Variants in NTM observed in about 807,000 individuals in gnomAD.
NTM encodes the protein neurotrimin, also known as IgLON family member 2.
NTM carries 13 observed loss-of-function variants against 42.1 expected under a neutral mutation model. The observed-to-expected ratio is 0.31, with a 90% confidence interval of 0.20 to 0.49. The LOEUF (loss-of-function observed/expected upper bound fraction) is 0.49, where lower values mean the gene tolerates loss of function less well. Ranked by LOEUF, NTM falls within the 20% of genes least tolerant of loss-of-function variation. The pLI is 0.99. For missense variants in NTM, 373 were observed against 452.8 expected (o/e 0.82, Z 1.60); for synonymous variants, 187 against 179.2 (o/e 1.04, Z -0.35).
chr11:131,432,836 A>ATTTTTTTTTTT (rs1565494754), intron 1 of NTM, among the ~76,000 whole-genome samples: 6 of 87,386 alleles, frequency 6.9e-5, no homozygotes, highest in South Asian at 6.7e-4. Flanking sequence ...AAGATTTAGC[A>ATTTTTTTTTTT]TTCTTTTTTT....
intron 2 of NTM, among the ~76,000 whole-genome samples, chr11:131,920,099 T>A (rs1257250824): frequency 2.0e-5 from 3 of 152,140 alleles, no homozygotes; most frequent in Admixed American, 2.0e-4. Flanking sequence ...ATCAGAAAAA[T>A]TCATCCAGAA....
At chr11:131,771,026 A>G (rs893632201) in intron 1 of NTM, 2 of 152,160 alleles carry the variant, frequency 1.3e-5, no homozygotes, top group Admixed American at 1.3e-4. Flanking sequence ...GACTCACAAG[A>G]AAAGTCCTCT....
intron 5 of NTM, among the ~76,000 whole-genome samples, chr11:132,309,424 G>A (rs922482392): frequency 1.3e-5 from 2 of 152,132 alleles, no homozygotes; most frequent in Non-Finnish European, 1.5e-5. Flanking sequence ...TGAATAGTTC[G>A]AGGTTATATA....
intron 1 of NTM, among the ~76,000 whole-genome samples, chr11:131,884,540 C>T (rs1383601083): frequency 6.6e-6 from 1 of 152,182 alleles, no homozygotes; most frequent in Non-Finnish European, 1.5e-5. Flanking sequence ...GTTCTGAACT[C>T]CCACACCACA....
At chr11:131,749,300 C>A (rs2082189573) in intron 1 of NTM, among the ~76,000 whole-genome samples, 1 of 152,088 alleles carries the variant, frequency 6.6e-6, no homozygotes, top group Non-Finnish European at 1.5e-5. Flanking sequence ...ACTTTCCTGG[C>A]ATGTAATAAG....
intron 1 of NTM, among the ~76,000 whole-genome samples, chr11:131,654,806 G>A (rs371258301): frequency 6.6e-6 from 1 of 152,162 alleles, no homozygotes; most frequent in African/African-American, 2.4e-5. Flanking sequence ...GCTCCCTGAG[G>A]CCTCACCAGA....
At chr11:131,547,959 C>T (rs951451703) in intron 1 of NTM, among the ~76,000 whole-genome samples, 1 of 152,136 alleles carries the variant, frequency 6.6e-6, no homozygotes, top group Admixed American at 6.5e-5. Flanking sequence ...AGATTGCAAG[C>T]TTGTTTTCAA....
intron 2 of NTM, among the ~76,000 whole-genome samples, chr11:131,993,382 A>T (rs1323873715): frequency 2.0e-5 from 3 of 152,118 alleles, no homozygotes; most frequent in Non-Finnish European, 4.4e-5. Context: ...AACAAGTCCC[A>T]TGTTTTTGGC....
At chr11:132,312,627 C>T (rs1367423125) in intron 6 of NTM, 1 of 154,832 alleles carries the variant, frequency 6.5e-6, no homozygotes, top group Non-Finnish European at 1.5e-5. Flanking sequence ...AGCTGTCAAG[C>T]AGGAGCCTAC....
intron 2 of NTM, among the ~76,000 whole-genome samples, chr11:132,014,894 A>C (rs922951520): frequency 6.6e-6 from 1 of 151,870 alleles, no homozygotes; most frequent in Non-Finnish European, 1.5e-5. Context: ...TTTTTGGCTT[A>C]ATATGGTCCC....
chr11:131,935,720 T>G (rs1290236981), intron 2 of NTM, among the ~76,000 whole-genome samples: 2 of 152,212 alleles, frequency 1.3e-5, no homozygotes, highest in African/African-American at 4.8e-5. Context: ...CATAGAATGA[T>G]ATATTTTTAA....
intron 1 of NTM, among the ~76,000 whole-genome samples, chr11:131,650,144 C>T (rs144015649): frequency 1.9e-4 from 29 of 152,250 alleles, no homozygotes; most frequent in South Asian, 1.0e-3. Context: ...ATAGCAGGAC[C>T]GTGAGGCAGT....
chr11:132,242,974 A>G (rs1224472457), intron 4 of NTM, among the ~76,000 whole-genome samples: 1 of 152,208 alleles, frequency 6.6e-6, no homozygotes. Context: ...TTTCCCAGCA[A>G]TAAGACTTCA....
intron 1 of NTM, among the ~76,000 whole-genome samples, chr11:131,740,564 A>G (rs2081055339): frequency 6.6e-6 from 1 of 151,770 alleles, no homozygotes; most frequent in Non-Finnish European, 1.5e-5. Context: ...TATTTTCTTC[A>G]ATTTTTTTTC....
intron 1 of NTM, among the ~76,000 whole-genome samples, chr11:131,573,021 A>T (rs557678427): frequency 2.0e-5 from 3 of 152,258 alleles, no homozygotes; most frequent in South Asian, 4.1e-4. Context: ...CCATGTAAAG[A>T]TCTCAGTGGA....
chr11:131,817,068 C>G (rs1017408397), intron 1 of NTM, among the ~76,000 whole-genome samples: 7 of 152,034 alleles, frequency 4.6e-5, no homozygotes, highest in African/African-American at 1.7e-4. Flanking sequence ...ATTTTAAAAC[C>G]CAGGGGGCAC....
At chr11:132,331,466 G>A (rs2095799570) in intron 8 of NTM, among the ~76,000 whole-genome samples, 1 of 152,068 alleles carries the variant, frequency 6.6e-6, no homozygotes, top group Non-Finnish European at 1.5e-5. Context: ...GGCAAGGTAT[G>A]AAAAAAGTTT....
rs2074445731 is a variant in NTM at position 132,022,181 on chromosome 11, A to G, written c.167+110533A>G. Among the ~76,000 whole-genome samples, 3 of 152,220 alleles carry G rather than the reference A, an allele frequency of 2.0e-5. No homozygotes were observed. In the South Asian group the frequency reaches 6.2e-4, roughly 32 times the overall value. On this transcript the variant is annotated intron_variant, in intron 2 of 8. Coordinates refer to ENST00000683400, the MANE Select transcript of NTM (RefSeq NM_001352005.2). Reference sequence around the variant, plus strand: ...ACTGAGCTGGGGCTGGAGTCAGAATACCACAGAGCCCCACAGTTCTTAACC... The same window carrying G: ...ACTGAGCTGGGGCTGGAGTCAGAATGCCACAGAGCCCCACAGTTCTTAACC...
chr11:132,254,000 G>A (rs1053598166), intron 4 of NTM, among the ~76,000 whole-genome samples: 2 of 152,186 alleles, frequency 1.3e-5, no homozygotes, highest in African/African-American at 4.8e-5. Flanking sequence ...AGTCTCTGCA[G>A]GTTTAGCTGG....
Sources: gnomAD v4.1 joint callset for allele counts (sites outside exome capture counted in the v4.1 genomes callset) on GRCh38, gnomAD v4.1.1 for gene constraint, MANE v1.5 for transcripts, NCBI Gene and HGNC (gene_info 2026-07-23, HGNC 2026-07-21) for gene names.